Variants in CADPS observed in about 807,000 individuals in gnomAD.
CADPS encodes calcium dependent secretion activator.
A neutral mutation model predicts 167.3 loss-of-function variants in CADPS; 57 were observed. That is an observed-to-expected ratio of 0.34 (90% CI 0.28 to 0.42). CADPS has a LOEUF of 0.42. CADPS is among the 20% of genes least tolerant of loss of function. The pLI is 1.00. For missense variants in CADPS, 1,414 were observed against 1,738.1 expected (o/e 0.81, Z 3.32); for synonymous variants, 676 against 635.3 (o/e 1.06, Z -0.96).
chr3:62,660,449 T>G (rs1413584360), intron 4 of CADPS, among the ~76,000 whole-genome samples: 4 of 152,192 alleles, frequency 2.6e-5, no homozygotes. Flanking sequence ...TTTAGCCAAA[T>G]CCATAAGCGC....
At chr3:62,836,579 C>A (rs559538422) in intron 1 of CADPS, among the ~76,000 whole-genome samples, 15 of 152,188 alleles carry the variant, frequency 9.9e-5, no homozygotes, top group Admixed American at 7.9e-4. Context: ...TCTACAAAAG[C>A]ATAAAGGTGA....
chr3:62,649,531 AC>A (rs1248211253), intron 5 of CADPS, among the ~76,000 whole-genome samples: 2 of 139,570 alleles, frequency 1.4e-5, no homozygotes, highest in Admixed American at 7.3e-5. Context: ...AGGGAATCAT[AC>A]AATATGTGGT....
intron 24 of CADPS, among the ~76,000 whole-genome samples, chr3:62,470,218 C>T (rs897458747): frequency 1.3e-5 from 2 of 152,138 alleles, no homozygotes; most frequent in African/African-American, 2.4e-5. Context: ...ATGATGAAAT[C>T]CAGGATGCGA....
intron 3 of CADPS, among the ~76,000 whole-genome samples, chr3:62,686,240 C>T (rs781210337): frequency 4.6e-5 from 7 of 151,972 alleles, no homozygotes; most frequent in Non-Finnish European, 8.8e-5. Flanking sequence ...AACAGAAGAA[C>T]ATTTTCGTTT....
intron 7 of CADPS, 134 bp from the exon 8 acceptor site, chr3:62,585,458 A>G: frequency 1.2e-6 from 1 of 809,088 alleles, no homozygotes; most frequent in Non-Finnish European, 1.9e-6. Context: ...GGGGATAGAA[A>G]CACATTCTTT....
intron 4 of CADPS, among the ~76,000 whole-genome samples, chr3:62,656,689 G>C (rs1319960958): frequency 6.6e-6 from 1 of 152,188 alleles, no homozygotes; most frequent in Non-Finnish European, 1.5e-5. Flanking sequence ...AGCACAGGGA[G>C]TAATGAGGAT....
At chr3:62,751,878 A>T (rs1435716375) in intron 3 of CADPS, among the ~76,000 whole-genome samples, 1 of 152,210 alleles carries the variant, frequency 6.6e-6, no homozygotes, top group African/African-American at 2.4e-5. Flanking sequence ...GTAAAATATG[A>T]TCCTGCCACT....
At chr3:62,686,412 T>G (rs1234478325) in intron 3 of CADPS, among the ~76,000 whole-genome samples, 1 of 152,062 alleles carries the variant, frequency 6.6e-6, no homozygotes, top group Admixed American at 6.6e-5. Flanking sequence ...AAGGCGTCTT[T>G]GGCCCCCAAA....
At chr3:62,774,064 C>T (rs533899677) in intron 1 of CADPS, among the ~76,000 whole-genome samples, 1 of 151,794 alleles carries the variant, frequency 6.6e-6, no homozygotes, top group South Asian at 2.1e-4. Context: ...ATTGTCCCAA[C>T]CAACAATTAT....
intron 1 of CADPS, among the ~76,000 whole-genome samples, chr3:62,819,400 CTGTGTGCGTGTG>C (rs1358057600): frequency 7.8e-6 from 1 of 128,618 alleles, no homozygotes; most frequent in Non-Finnish European, 1.6e-5. Context: ...CAATGACAAT[CTGTGTGCGTGTG>C]TGTGTGTGTG....
intron 3 of CADPS, among the ~76,000 whole-genome samples, chr3:62,715,935 C>T (rs1245918385): frequency 1.3e-5 from 2 of 151,622 alleles, no homozygotes; most frequent in East Asian, 1.9e-4. Context: ...TTAGAAGAGA[C>T]GGGGTTTCAT....
intron 1 of CADPS, among the ~76,000 whole-genome samples, chr3:62,859,704 A>G (rs1396711215): frequency 6.6e-6 from 1 of 152,196 alleles, no homozygotes; most frequent in Non-Finnish European, 1.5e-5. Flanking sequence ...CTGACAAATT[A>G]TGTGGGGCTT....
At chr3:62,435,718 A>C (rs2149708839) in intron 28 of CADPS, among the ~76,000 whole-genome samples, 1 of 152,112 alleles carries the variant, frequency 6.6e-6, no homozygotes, top group South Asian at 2.1e-4. Flanking sequence ...TGATTGTAAT[A>C]GTTAAGCCTT....
At chr3:62,561,865 T>C (rs1340351540) in intron 9 of CADPS, among the ~76,000 whole-genome samples, 2 of 152,224 alleles carry the variant, frequency 1.3e-5, no homozygotes, top group African/African-American at 2.4e-5. Context: ...TGAACTCTGG[T>C]CACCAGCCCT....
intron 6 of CADPS, among the ~76,000 whole-genome samples, chr3:62,634,743 C>A (rs1267098586): frequency 6.6e-6 from 1 of 152,202 alleles, no homozygotes; most frequent in African/African-American, 2.4e-5. Context: ...TTGAAGGTAT[C>A]TCTACCCAAT....
At chr3:62,747,123 A>T (rs2081629778) in intron 3 of CADPS, among the ~76,000 whole-genome samples, 1 of 152,218 alleles carries the variant, frequency 6.6e-6, no homozygotes, top group Non-Finnish European at 1.5e-5. Context: ...TGCCTAGTGC[A>T]AAGTAGATGC....
intron 3 of CADPS, among the ~76,000 whole-genome samples, chr3:62,696,111 C>G (rs538735137): frequency 1.3e-5 from 2 of 152,160 alleles, no homozygotes; most frequent in East Asian, 3.9e-4. Flanking sequence ...AAAGAGGTGA[C>G]CTGGGCCACT....
intron 3 of CADPS, among the ~76,000 whole-genome samples, chr3:62,708,467 T>C (rs1445933742): frequency 6.6e-6 from 1 of 152,002 alleles, no homozygotes; most frequent in Non-Finnish European, 1.5e-5. Context: ...ATTTCACAGA[T>C]GAGAAAAGTG....
intron 26 of CADPS, among the ~76,000 whole-genome samples, chr3:62,463,163 C>G (rs750307598): frequency 3.9e-5 from 6 of 152,140 alleles, no homozygotes; most frequent in Non-Finnish European, 8.8e-5. Flanking sequence ...TCTGGGTGTC[C>G]TGTTTCTAAT....
Sources: allele counts gnomAD v4.1 joint callset (sites outside exome capture counted in the v4.1 genomes callset), GRCh38; gene constraint gnomAD v4.1.1; transcripts MANE v1.5; gene names NCBI Gene and HGNC (gene_info 2026-07-23, HGNC 2026-07-21).